XXYLT1: variants seen among roughly 807,000 people sequenced by gnomAD.
XXYLT1 encodes xyloside xylosyltransferase 1, also known as UDP-xylose:alpha-xyloside alpha-1,3-xylosyltransferase.
XXYLT1 carries 20 observed loss-of-function variants against 28.9 expected under a neutral mutation model. That is an observed-to-expected ratio of 0.69 (90% CI 0.49 to 1.00). The LOEUF is 1.00. Ranked by LOEUF, XXYLT1 falls within the 50% of genes least tolerant of loss-of-function variation. The pLI, the probability that XXYLT1 is intolerant of heterozygous loss-of-function variation, is 0.00. For synonymous variants in XXYLT1, 257 were observed against 253.8 expected (o/e 1.01, Z -0.12); for missense variants, 542 against 560.1 (o/e 0.97, Z 0.33).
intron 3 of XXYLT1, among the ~76,000 whole-genome samples, chr3:195,108,619 CACCTGGGCTGTATGGT>C (rs1439117644): frequency 6.6e-6 from 1 of 152,230 alleles, no homozygotes; most frequent in African/African-American, 2.4e-5. Context: ...GCCCACCACA[CACCTGGGCTGTATGGT>C]ACAGTCTGCT....
chr3:195,262,923 G>C (rs1487000642), intron 1 of XXYLT1, among the ~76,000 whole-genome samples: 6 of 152,102 alleles, frequency 3.9e-5, no homozygotes, highest in African/African-American at 1.4e-4. Context: ...TAAAATGTCG[G>C]CCTATCTTTT....
chr3:195,143,818 A>ATATATTTTTTTTTTTT (rs1719641203), intron 3 of XXYLT1, among the ~76,000 whole-genome samples: 1 of 96,304 alleles, frequency 1.0e-5, no homozygotes, highest in Non-Finnish European at 2.0e-5. Flanking sequence ...ATATATAGAT[A>ATATATTTTTTTTTTTT]TAGATATATA....
chr3:195,214,582 A>T lies in XXYLT1; in HGVS notation c.652+12127T>A, dbSNP rs577438402. 3.3e-5 allele frequency among the ~76,000 whole-genome samples: 5 copies of T among 152,184 alleles called. No homozygotes were observed. The East Asian group carries it at 9.7e-4, about 29-fold the overall frequency. ...AAAACCATCTACATACGGCATCCAC[A>T]ATCGTAGGGGGGCAGTGGCGCCCTT... On this transcript the variant is annotated intron_variant, in intron 2 of 3. Coordinates refer to ENST00000310380, the MANE Select transcript of XXYLT1 (RefSeq NM_152531.5).
intron 3 of XXYLT1, chr3:195,152,584 C>A (rs1245878912): frequency 1.3e-5 from 2 of 152,212 alleles, no homozygotes; most frequent in East Asian, 1.9e-4. Flanking sequence ...ATATAAAAAT[C>A]TGGGGAGGGG....
intron 1 of XXYLT1, among the ~76,000 whole-genome samples, chr3:195,250,032 A>G (rs1190641440): frequency 1.3e-5 from 2 of 152,128 alleles, no homozygotes; most frequent in African/African-American, 4.8e-5. Context: ...CCTCTGACCC[A>G]GTCAAAGCTG....
At chr3:195,093,232 T>G (rs1716212421) in intron 3 of XXYLT1, among the ~76,000 whole-genome samples, 1 of 93,224 alleles carries the variant, frequency 1.1e-5, no homozygotes, top group Admixed American at 1.1e-4. Context: ...CATGCACACG[T>G]ATGTTTATTG....
chr3:195,239,308 C>G (rs1315252977), intron 1 of XXYLT1, among the ~76,000 whole-genome samples: 1 of 152,134 alleles, frequency 6.6e-6, no homozygotes, highest in Non-Finnish European at 1.5e-5. Context: ...TTTGCCCAGA[C>G]CAGGGGCTGA....
At chr3:195,085,866 C>T (rs1272574194) in intron 3 of XXYLT1, 2 of 152,388 alleles carry the variant, frequency 1.3e-5, no homozygotes, top group Non-Finnish European at 2.9e-5. Flanking sequence ...CTCCCCCACC[C>T]CGAGGCTAGC....
In XXYLT1 at chr3:195,120,586, C is replaced by T. The variant is rs969058572; in HGVS notation, c.785+35863G>A. Among the ~76,000 whole-genome samples, 9 of 152,198 alleles carry T rather than the reference C, an allele frequency of 5.9e-5. No homozygotes were observed. The East Asian group carries it at 1.7e-3, about 29-fold the overall frequency. On this transcript the variant is annotated intron_variant, in intron 3 of 3. Coordinates refer to ENST00000310380, the MANE Select transcript of XXYLT1 (RefSeq NM_152531.5). ...TATTATTCCTGTTCAGCTGTAGCAA[C>T]AGAAACACCCCTGTATTCCCATGAC...
intron 2 of XXYLT1, among the ~76,000 whole-genome samples, chr3:195,158,815 T>C (rs1720732301): frequency 6.6e-6 from 1 of 152,218 alleles, no homozygotes; most frequent in South Asian, 2.1e-4. Context: ...GTTGTAAATG[T>C]CACTGCTGAA....
chr3:195,096,082 G>A (rs1452529192), intron 3 of XXYLT1: 3 of 152,296 alleles, frequency 2.0e-5, no homozygotes, highest in Non-Finnish European at 2.9e-5. Flanking sequence ...TCCATCCTTA[G>A]CACGCGTTTA....
At chr3:195,192,806 A>G (rs1351072775) in intron 2 of XXYLT1, among the ~76,000 whole-genome samples, 1 of 152,254 alleles carries the variant, frequency 6.6e-6, no homozygotes, top group East Asian at 1.9e-4. Context: ...TAAGCAATTG[A>G]TTAATTAAAA....
At chr3:195,071,679 C>T (rs1437793723) in intron 3 of XXYLT1, among the ~76,000 whole-genome samples, 1 of 152,150 alleles carries the variant, frequency 6.6e-6, no homozygotes, top group Non-Finnish European at 1.5e-5. Flanking sequence ...TAGGGTCACA[C>T]AGGGTTGGGA....
At position 195,076,488 on chromosome 3, in the gene XXYLT1, A is replaced by C. The variant is rs1715126377; in HGVS notation, c.786-6377T>G. On this transcript the variant is annotated intron_variant, in intron 3 of 3. Coordinates refer to ENST00000310380, the MANE Select transcript of XXYLT1 (RefSeq NM_152531.5). The surrounding 1 kb of genome is among the most constrained non-coding windows in gnomAD (Gnocchi z 5.3). ...ACTAGACAAGCCAAGCATTCTGGAGAGTTGCCCCTGTTACAGCCTGCACAG... is the reference window on the plus strand; with the variant it reads ...ACTAGACAAGCCAAGCATTCTGGAGCGTTGCCCCTGTTACAGCCTGCACAG... Among the ~76,000 whole-genome samples, 1 of 152,098 alleles carries C rather than the reference A, an allele frequency of 6.6e-6. No homozygotes were observed. The highest frequency in any genetic ancestry group is 2.1e-4 in the South Asian group (1 of 4,818).
intron 1 of XXYLT1, among the ~76,000 whole-genome samples, chr3:195,230,993 G>C (rs922659526): frequency 6.6e-6 from 1 of 151,884 alleles, no homozygotes; most frequent in Non-Finnish European, 1.5e-5. Context: ...TAACAATATT[G>C]GTTCTTCCAA....
chr3:195,198,561 A>G (rs1722721869), intron 2 of XXYLT1, among the ~76,000 whole-genome samples: 1 of 152,232 alleles, frequency 6.6e-6, no homozygotes, highest in Non-Finnish European at 1.5e-5. Flanking sequence ...AAACGCTTAC[A>G]TGGTACTTAT....
chr3:195,270,110 C>A, intron 1 of XXYLT1: 1 of 340,098 alleles, frequency 2.9e-6, no homozygotes, highest in Admixed American at 4.0e-5. Flanking sequence ...TGAGAAGTGT[C>A]ACTGCAACTT....
intron 2 of XXYLT1, among the ~76,000 whole-genome samples, chr3:195,212,885 G>A (rs1208854048): frequency 6.6e-6 from 1 of 152,216 alleles, no homozygotes; most frequent in Non-Finnish European, 1.5e-5. Context: ...CCTCTGGGTT[G>A]AGATCCTCTG....
intron 2 of XXYLT1, among the ~76,000 whole-genome samples, chr3:195,179,623 C>T (rs948692887): frequency 2.0e-5 from 3 of 151,986 alleles, no homozygotes; most frequent in Non-Finnish European, 4.4e-5. Context: ...GAATGGACAC[C>T]GTCAGCTTGT....
Sources: gnomAD v4.1 joint callset for allele counts (sites outside exome capture counted in the v4.1 genomes callset) on GRCh38, gnomAD v4.1.1 for gene constraint, Gnocchi (gnomAD v3.1) non-coding constraint, MANE v1.5 for transcripts, NCBI Gene and HGNC (gene_info 2026-07-23, HGNC 2026-07-21) for gene names.